Variants in CAMK2D observed in about 807,000 individuals in gnomAD.
CAMK2D encodes calcium/calmodulin-dependent protein kinase type II subunit delta.
CAMK2D carries 37 observed loss-of-function variants against 84.0 expected under a neutral mutation model. The ratio of observed to expected loss-of-function variants is 0.44; its 90% CI spans 0.34 to 0.58. The LOEUF is 0.58. CAMK2D is among the 20% of genes least tolerant of loss of function. The pLI is 0.02. For synonymous variants in CAMK2D, 202 were observed against 212.5 expected (o/e 0.95, Z 0.43); for missense variants, 448 against 652.5 (o/e 0.69, Z 3.41).
At chr4:113,693,718 A>T (rs1259764167) in intron 2 of CAMK2D, among the ~76,000 whole-genome samples, 1 of 152,204 alleles carries the variant, frequency 6.6e-6, no homozygotes, top group Non-Finnish European at 1.5e-5. Context: ...TATGGCTATC[A>T]CCAAACACAA....
intron 2 of CAMK2D, among the ~76,000 whole-genome samples, chr4:113,681,023 A>C (rs1212432345): frequency 6.6e-6 from 1 of 152,208 alleles, no homozygotes; most frequent in Admixed American, 6.5e-5. Context: ...TCATTCATTA[A>C]ATTATGAAGT....
At chr4:113,662,953 T>G (rs1049469282) in intron 2 of CAMK2D, among the ~76,000 whole-genome samples, 1 of 152,160 alleles carries the variant, frequency 6.6e-6, no homozygotes, top group African/African-American at 2.4e-5. Context: ...GAAAAATATT[T>G]TAAACACGTA....
intron 19 of CAMK2D, 138 bp downstream of exon 19, chr4:113,457,197 C>A: frequency 7.0e-7 from 1 of 1,430,024 alleles, no homozygotes; most frequent in Non-Finnish European, 9.2e-7. Flanking sequence ...AAACCTTTCC[C>A]GTGAAGGCAT....
At chr4:113,567,887 AAAC>A (rs1307742100) in intron 4 of CAMK2D, among the ~76,000 whole-genome samples, 1 of 152,216 alleles carries the variant, frequency 6.6e-6, no homozygotes, top group Non-Finnish European at 1.5e-5. Flanking sequence ...TATTGCTTCA[AAAC>A]AACGAGTCCT....
chr4:113,468,476 C>G (rs1589768818), intron 16 of CAMK2D, among the ~76,000 whole-genome samples: 1 of 152,084 alleles, frequency 6.6e-6, no homozygotes, highest in Non-Finnish European at 1.5e-5. Context: ...GAGTCACAGG[C>G]GGCACATGAC....
intron 6 of CAMK2D, among the ~76,000 whole-genome samples, chr4:113,545,764 C>T (rs1351387851): frequency 6.6e-6 from 1 of 152,152 alleles, no homozygotes; most frequent in African/African-American, 2.4e-5. Flanking sequence ...AAAATTATAA[C>T]AAGCTCTCTC....
chr4:113,500,029 A>AC (rs11396386), intron 16 of CAMK2D, among the ~76,000 whole-genome samples: 78,723 of 151,998 alleles, frequency 0.52, 21,128 homozygotes, highest in African/African-American at 0.62. Flanking sequence ...TTCTACTGAT[A>AC]TTATTTGAGA....
intron 16 of CAMK2D, among the ~76,000 whole-genome samples, chr4:113,495,225 A>G (rs533389261): frequency 3.7e-4 from 56 of 152,340 alleles, no homozygotes; most frequent in Admixed American, 1.2e-3. Context: ...GAAACCTGAA[A>G]GAAGTTATTA....
In CAMK2D at chr4:113,490,170, G is replaced by T. The variant is rs1323547971; in HGVS notation, c.1135+10293C>A. On this transcript the variant is annotated intron_variant, in intron 16 of 20. Transcript: ENST00000511664. ...AATTAGATCCCATTTGTCAATTTTG[G>T]CTTTTGTTGCCATTGCTTTTGGTGT... Among the ~76,000 whole-genome samples the T allele has an allele frequency of 4.1e-5, 6 of 146,030 alleles. 1 individual carries two copies. The highest frequency in any genetic ancestry group is 3.5e-3 in the Middle Eastern group (1 of 284).
intron 5 of CAMK2D, 78 bp downstream of exon 5, chr4:113,551,953 T>G: frequency 1.5e-6 from 1 of 672,622 alleles, no homozygotes; most frequent in East Asian, 2.7e-5. Context: ...TGTACAAACA[T>G]GCATTTGTAA....
At chr4:113,734,321 G>A (rs772328915) in intron 2 of CAMK2D, among the ~76,000 whole-genome samples, 9 of 152,088 alleles carry the variant, frequency 5.9e-5, no homozygotes, top group Middle Eastern at 6.3e-3. Context: ...GAAAAATCTC[G>A]TGATGATTTT....
chr4:113,688,423 T>C (rs750020885), intron 2 of CAMK2D, among the ~76,000 whole-genome samples: 2 of 152,228 alleles, frequency 1.3e-5, no homozygotes, highest in Non-Finnish European at 2.9e-5. Flanking sequence ...CTCTGTTATA[T>C]GTACTTGACA....
rs2098080034 is a variant in CAMK2D at position 113,503,148 on chromosome 4, T to C, written c.1045-171A>G. 13 of 723,252 alleles carry C rather than the reference T, an allele frequency of 1.8e-5. 1 individual carries two copies. In the South Asian group the frequency reaches 1.9e-4, roughly 11 times the overall value. 44.8% of individuals were successfully genotyped at this position (723,252 alleles called of 1,614,324 possible). A position where few individuals can be genotyped will look rare whatever the true frequency, so the allele number is the denominator to read the frequency against. On this transcript the variant is annotated intron_variant, in intron 14 of 20. Transcript: ENST00000511664. ...CTGACAATATCTCTGATGAAAGATC[T>C]CCCTGGCGAGGCCATGAGATAGGAA...
chr4:113,462,322 G>GTCTATCTA (rs1193252796), intron 17 of CAMK2D, among the ~76,000 whole-genome samples: 67 of 123,506 alleles, frequency 5.4e-4, no homozygotes, highest in African/African-American at 1.4e-3. Flanking sequence ...CTGTCTGTCT[G>GTCTATCTA]TCTGTCTGTC....
At chr4:113,484,669 C>G (rs576603100) in intron 16 of CAMK2D, among the ~76,000 whole-genome samples, 1 of 152,290 alleles carries the variant, frequency 6.6e-6, no homozygotes, top group South Asian at 2.1e-4. Context: ...AAATAACATG[C>G]TGTTATCAAT....
At chr4:113,555,008 T>C (rs2098655173) in intron 4 of CAMK2D, among the ~76,000 whole-genome samples, 1 of 152,128 alleles carries the variant, frequency 6.6e-6, no homozygotes, top group Non-Finnish European at 1.5e-5. Flanking sequence ...ATCAGAAAGA[T>C]AAATATTTGT....
chr4:113,684,942 C>A (rs753751712), intron 2 of CAMK2D, among the ~76,000 whole-genome samples: 15 of 152,264 alleles, frequency 9.9e-5, no homozygotes, highest in Admixed American at 4.6e-4. Context: ...AGAGCACAGG[C>A]CTGCTGCTCC....
intron 6 of CAMK2D, among the ~76,000 whole-genome samples, chr4:113,539,967 A>G (rs2098519398): frequency 6.6e-6 from 1 of 152,202 alleles, no homozygotes; most frequent in Admixed American, 6.5e-5. Context: ...ATATTTCATC[A>G]CAAGATTGCT....
At chr4:113,663,763 AT>A (rs1278015469) in intron 2 of CAMK2D, among the ~76,000 whole-genome samples, 5 of 151,676 alleles carry the variant, frequency 3.3e-5, no homozygotes, top group African/African-American at 1.2e-4. Flanking sequence ...AAAATAAAGA[AT>A]AAAAAGGAAG....
Sources: gnomAD v4.1 joint callset for allele counts (sites outside exome capture counted in the v4.1 genomes callset) on GRCh38, gnomAD v4.1.1 for gene constraint, MANE v1.5 for transcripts, NCBI Gene and HGNC (gene_info 2026-07-23, HGNC 2026-07-21) for gene names.